Variants in KIAA2012 observed in about 807,000 individuals in gnomAD.
The protein encoded by KIAA2012 is uncharacterized protein KIAA2012.
In KIAA2012, 125 loss-of-function variants were observed where a neutral mutation model predicts 150.6. The observed-to-expected ratio is 0.83, with a 90% CI of 0.72 to 0.96. The LOEUF is 0.96. Ranked by LOEUF, KIAA2012 falls within the 40% of genes least tolerant of loss-of-function variation. The pLI is 0.00. For missense variants in KIAA2012, 1,219 were observed against 1,354.9 expected (o/e 0.90, Z 1.57); for synonymous variants, 462 against 504.7 (o/e 0.92, Z 1.13).
At chr2:202,136,017 A>G (rs1415705091) in intron 12 of KIAA2012, 1 of 336,384 alleles carries the variant, frequency 3.0e-6, no homozygotes, top group Non-Finnish European at 6.0e-6. Context: ...ATTTTTTTTG[A>G]AACAGAGTCT....
At chr2:202,125,601 C>T (rs1215928777) in intron 12 of KIAA2012, among the ~76,000 whole-genome samples, 1 of 152,106 alleles carries the variant, frequency 6.6e-6, no homozygotes, top group Non-Finnish European at 1.5e-5. Context: ...CTGCACAATT[C>T]CCTAAATAAT....
At chr2:202,081,047 T>C (rs4308114) in intron 2 of KIAA2012, among the ~76,000 whole-genome samples, 23,335 of 152,202 alleles carry the variant, frequency 0.15, 2,058 homozygotes, top group South Asian at 0.26. Context: ...GCTGTCTCTG[T>C]GAATTTGACT....
chr2:202,094,265 A>G lies in KIAA2012; in HGVS notation c.685+1080A>G, dbSNP rs1055079302. Among the ~76,000 whole-genome samples the G allele has an allele frequency of 2.0e-5, 3 of 152,220 alleles. No homozygotes were observed. In the South Asian group the frequency reaches 6.2e-4, roughly 31 times the overall value. ...ACCACTGCACTGCAGCCTGGATGAC[A>G]AAGTGAGACCCTGTCTCTAAAATAT... On this transcript the variant is annotated intron_variant, in intron 4 of 23. Coordinates refer to ENST00000498697, the MANE Select transcript of KIAA2012 (RefSeq NM_001277372.4).
At chr2:202,125,637 G>T (rs1018857751) in intron 12 of KIAA2012, among the ~76,000 whole-genome samples, 1 of 152,084 alleles carries the variant, frequency 6.6e-6, no homozygotes, top group Non-Finnish European at 1.5e-5. Context: ...CCCTGGAGTC[G>T]TGCATCCCTC....
At chr2:202,202,286 A>T (rs1692544940) in intron 22 of KIAA2012, 143 bp from the exon 23 acceptor site, 1 of 403,110 alleles carries the variant, frequency 2.5e-6, no homozygotes, top group African/African-American at 2.1e-5. Flanking sequence ...AATGAAGAGT[A>T]TGATCTTCCA....
chr2:202,110,320 G>T (rs546428816), intron 10 of KIAA2012, among the ~76,000 whole-genome samples: 40 of 152,316 alleles, frequency 2.6e-4, no homozygotes, highest in African/African-American at 9.1e-4. Context: ...AAGGAGTCAA[G>T]GAGGGGACTA....
At chr2:202,087,755 G>C (rs1031284259) in intron 2 of KIAA2012, among the ~76,000 whole-genome samples, 1 of 152,006 alleles carries the variant, frequency 6.6e-6, no homozygotes, top group African/African-American at 2.4e-5. Flanking sequence ...GTCACATCTG[G>C]GTTCAAAGCA....
At chr2:202,080,784 C>T (rs1689435090) in intron 2 of KIAA2012, among the ~76,000 whole-genome samples, 1 of 151,442 alleles carries the variant, frequency 6.6e-6, no homozygotes, top group South Asian at 2.1e-4. Flanking sequence ...CACTTATTAA[C>T]TCACTTAATC....
intron 15 of KIAA2012, among the ~76,000 whole-genome samples, chr2:202,182,439 C>T (rs534544977): frequency 1.1e-4 from 16 of 152,192 alleles, no homozygotes; most frequent in African/African-American, 3.1e-4. Flanking sequence ...CGTATGATTT[C>T]TTTCACTCAA....
chr2:202,185,419 G>A (rs1225629346), intron 16 of KIAA2012, among the ~76,000 whole-genome samples: 3 of 152,220 alleles, frequency 2.0e-5, no homozygotes, highest in East Asian at 3.9e-4. Flanking sequence ...AAACCTCGAT[G>A]ACTTGAGAAC....
intron 13 of KIAA2012, among the ~76,000 whole-genome samples, chr2:202,143,779 T>C (rs1040130242): frequency 1.3e-5 from 2 of 152,224 alleles, no homozygotes; most frequent in African/African-American, 2.4e-5. Flanking sequence ...TTTATTAGTT[T>C]ATTGAATAGA....
chr2:202,163,773 T>C (rs1355738282), intron 14 of KIAA2012, among the ~76,000 whole-genome samples: 1 of 147,320 alleles, frequency 6.8e-6, no homozygotes, highest in African/African-American at 2.5e-5. Flanking sequence ...TTTCCATTTA[T>C]TCAGGGAATT....
chr2:202,151,498 TC>T (rs944437498), intron 13 of KIAA2012, among the ~76,000 whole-genome samples: 2 of 150,140 alleles, frequency 1.3e-5, no homozygotes, highest in African/African-American at 5.0e-5. Flanking sequence ...CAGGGCTGGC[TC>T]CAGCTTGTCA....
At chr2:202,127,313 C>T (rs2105937742) in intron 12 of KIAA2012, among the ~76,000 whole-genome samples, 1 of 152,304 alleles carries the variant, frequency 6.6e-6, no homozygotes, top group Admixed American at 6.5e-5. Context: ...TCTTAAGATT[C>T]TGAAACTTCA....
intron 15 of KIAA2012, among the ~76,000 whole-genome samples, chr2:202,182,039 A>C (rs527620701): frequency 6.7e-6 from 1 of 150,364 alleles, no homozygotes; most frequent in East Asian, 2.0e-4. Context: ...CTGTCACTAT[A>C]GATTAGTTTG....
At chr2:202,192,483 G>T (rs1192798948) in intron 19 of KIAA2012, among the ~76,000 whole-genome samples, 1 of 144,336 alleles carries the variant, frequency 6.9e-6, no homozygotes, top group African/African-American at 2.6e-5. Flanking sequence ...TTTAGAGGGA[G>T]CTTCACTCTT....
At chr2:202,128,582 A>G (rs1261242395) in intron 12 of KIAA2012, among the ~76,000 whole-genome samples, 1 of 152,078 alleles carries the variant, frequency 6.6e-6, no homozygotes, top group Non-Finnish European at 1.5e-5. Flanking sequence ...ACTAGACTGC[A>G]ATCTTTTTAA....
rs571686717 is a variant in KIAA2012 at position 202,125,935 on chromosome 2, C to CTTT, written c.1831+687_1831+689dup. ...GAAATGTGAGTGGTGTTCCTGGCTG[C>CTTT]TTTTTTTTTTTTTTTTTTTTTTTTT... is the stretch of plus-strand genomic sequence containing the variant. On this transcript the variant is annotated intron_variant, in intron 12 of 23. Coordinates refer to ENST00000498697, the MANE Select transcript of KIAA2012 (RefSeq NM_001277372.4). The CTTT allele has an allele frequency of 2.9e-4, 40 of 137,794 alleles. 4 individuals are homozygous for CTTT. The highest frequency in any genetic ancestry group is 3.9e-4 in the Non-Finnish European group (31 of 78,976). The allele number at this position is 137,794 out of a possible 1,614,324, so 8.5% of individuals were successfully genotyped here. A position where few individuals can be genotyped will look rare whatever the true frequency, so the allele number is the denominator to read the frequency against.
At chr2:202,117,725 G>A (rs777081896) in intron 11 of KIAA2012, among the ~76,000 whole-genome samples, 3 of 152,162 alleles carry the variant, frequency 2.0e-5, no homozygotes, top group Non-Finnish European at 4.4e-5. Flanking sequence ...AACAGGCATT[G>A]TGTAAAAAAG....
Sources: allele counts gnomAD v4.1 joint callset (sites outside exome capture counted in the v4.1 genomes callset), GRCh38; gene constraint gnomAD v4.1.1; transcripts MANE v1.5; gene names NCBI Gene and HGNC (gene_info 2026-07-23, HGNC 2026-07-21).